The following ROR1 variants were observed in gnomAD, a reference collection of about 807,000 sequenced individuals.
ROR1 encodes the protein ROR family WNT receptor 1.
A neutral mutation model predicts 78.8 loss-of-function variants in ROR1; 19 were observed. That is an observed-to-expected ratio of 0.24 (90% CI 0.17 to 0.35). The LOEUF (loss-of-function observed/expected upper bound fraction) is 0.35, where lower values mean the gene tolerates loss of function less well. ROR1 is among the 10% of genes least tolerant of loss of function. The pLI, the probability that ROR1 is intolerant of heterozygous loss-of-function variation, is 1.00. For synonymous variants in ROR1, 386 were observed against 433.6 expected, an observed-to-expected ratio of 0.89 and a Z score of 1.36; for missense variants, 917 against 1,177.8, an observed-to-expected ratio of 0.78 and a Z score of 3.24.
intron 1 of ROR1, among the ~76,000 whole-genome samples, chr1:63,778,493 C>A (rs754683392): frequency 6.6e-6 from 1 of 152,196 alleles, no homozygotes; most frequent in African/African-American, 2.4e-5. Flanking sequence ...GGAGGCCCCA[C>A]TTCTCACCTC....
rs545000205 is a variant in ROR1 at position 64,181,338 on chromosome 1, G to T, written c.*2483G>T. The T allele has an allele frequency of 6.6e-6, 1 of 151,946 alleles. No individual in the cohort carries two copies. Among genetic ancestry groups the T allele is most frequent in the Non-Finnish European group, 1.5e-5 (1 of 67,946 alleles). The allele number at this position is 151,946 out of a possible 1,614,324, so 9.4% of individuals were successfully genotyped here. A position where few individuals can be genotyped will look rare whatever the true frequency, so the allele number is the denominator to read the frequency against. On this transcript the variant is annotated 3_prime_UTR_variant, in exon 9 of 9. Coordinates refer to ENST00000371079, the MANE Select transcript of ROR1 (RefSeq NM_005012.4). ...TTAATCACTGTATTACTTAATGTTT[G>T]ATTTGTTATTATGGGCATTTCAAAT...
At chr1:63,799,693 G>T (rs1474502793) in intron 1 of ROR1, among the ~76,000 whole-genome samples, 3 of 150,286 alleles carry the variant, frequency 2.0e-5, no homozygotes, top group African/African-American at 4.9e-5. Context: ...GGGATTATTT[G>T]TTTATATGTT....
rs1400315479 is a variant in ROR1, at chr1:64,065,574, A to T, written c.482+14858A>T. Among the ~76,000 whole-genome samples the T allele has an allele frequency of 3.3e-5, 5 of 152,258 alleles. No homozygotes were observed. In the East Asian group the frequency reaches 9.7e-4, roughly 29 times the overall value. Reference sequence around the variant, plus strand: ...GGGTTGCACAGGGCACTCTATCTCCAGGTCTTGAAGGTTTACTGGCATACA... The same window carrying T: ...GGGTTGCACAGGGCACTCTATCTCCTGGTCTTGAAGGTTTACTGGCATACA... On this transcript the variant is annotated intron_variant, in intron 4 of 8. Coordinates refer to ENST00000371079, the MANE Select transcript of ROR1 (RefSeq NM_005012.4).
intron 1 of ROR1, among the ~76,000 whole-genome samples, chr1:63,878,711 C>G (rs1206608366): frequency 6.6e-6 from 1 of 152,132 alleles, no homozygotes; most frequent in African/African-American, 2.4e-5. Flanking sequence ...GGAGCCCTGT[C>G]TGCTCCATCT....
intron 1 of ROR1, among the ~76,000 whole-genome samples, chr1:63,860,556 T>C (rs1365357585): frequency 2.1e-5 from 2 of 96,856 alleles, no homozygotes; most frequent in African/African-American, 4.1e-5. Flanking sequence ...CCATCTCTAC[T>C]AAAAATACAC....
rs1202238207 is a variant in ROR1 at position 63,967,992 on chromosome 1, T to G, written c.92-41313T>G. Among the ~76,000 whole-genome samples, 4 of 152,328 alleles carry G rather than the reference T, an allele frequency of 2.6e-5. No homozygotes were observed. In the East Asian group the frequency reaches 7.7e-4, roughly 29 times the overall value. Reference sequence around the variant, plus strand: ...TCTTACAATAGATACACAAATTCCTTCTTACATTTTGTTTCCTTTAAGGCC... The same window carrying G: ...TCTTACAATAGATACACAAATTCCTGCTTACATTTTGTTTCCTTTAAGGCC... On this transcript the variant is annotated intron_variant, in intron 1 of 8. Transcript: ENST00000371079.
At chr1:64,036,466 T>A (rs952775218) in intron 2 of ROR1, among the ~76,000 whole-genome samples, 4 of 152,060 alleles carry the variant, frequency 2.6e-5, no homozygotes, top group African/African-American at 9.7e-5. Flanking sequence ...CATCCAGGAG[T>A]CTCCCAGAAT....
At chr1:64,050,922 G>A (rs1646823579) in intron 4 of ROR1, among the ~76,000 whole-genome samples, 2 of 152,182 alleles carry the variant, frequency 1.3e-5, no homozygotes, top group East Asian at 3.9e-4. Flanking sequence ...GTGTAGTAAT[G>A]TTGATTCTGA....
At position 64,050,534 on chromosome 1, in the gene ROR1, T is replaced by C. The variant is rs948103008; in HGVS notation, c.452-152T>C. 1.2e-5 allele frequency: 9 copies of C among 728,944 alleles called. No homozygotes were observed. The African/African-American group carries it at 1.6e-4, about 13-fold the overall frequency. 45.2% of individuals were successfully genotyped at this position (728,944 alleles called of 1,614,324 possible). On this transcript the variant is annotated intron_variant, in intron 3 of 8. Transcript: ENST00000371079. ...TTTTTTTTTTTTTCATAGAGATGGTTGGGGGAATAGAGCAAAACAATAAAT... is the reference window on the plus strand; with the variant it reads ...TTTTTTTTTTTTTCATAGAGATGGTCGGGGGAATAGAGCAAAACAATAAAT...
chr1:63,822,042 G>A (rs1302291585), intron 1 of ROR1, among the ~76,000 whole-genome samples: 2 of 152,204 alleles, frequency 1.3e-5, no homozygotes, highest in African/African-American at 4.8e-5. Context: ...AATGTACTGG[G>A]AAGCTTGCCG....
intron 4 of ROR1, among the ~76,000 whole-genome samples, chr1:64,097,669 A>G (rs1647353635): frequency 6.6e-6 from 1 of 151,852 alleles, no homozygotes; most frequent in Non-Finnish European, 1.5e-5. Context: ...TACCAAGGGA[A>G]AAAAAAAGAA....
chr1:63,846,062 C>T (rs996285524), intron 1 of ROR1, among the ~76,000 whole-genome samples: 1 of 152,040 alleles, frequency 6.6e-6, no homozygotes, highest in African/African-American at 2.4e-5. Context: ...CCGCAACCCA[C>T]AACCTTGGGC....
At chr1:64,120,239 G>C (rs1165060412) in intron 4 of ROR1, among the ~76,000 whole-genome samples, 1 of 152,046 alleles carries the variant, frequency 6.6e-6, no homozygotes, top group Non-Finnish European at 1.5e-5. Flanking sequence ...CCTGGAGTTG[G>C]GGGAGGCCTA....
chr1:63,857,134 CTGT>C (rs1241566929), intron 1 of ROR1, among the ~76,000 whole-genome samples: 2 of 150,246 alleles, frequency 1.3e-5, no homozygotes, highest in Admixed American at 1.3e-4. Flanking sequence ...TTCAAAGTAT[CTGT>C]TGTTGAACAA....
At chr1:63,783,566 C>T (rs1644666286) in intron 1 of ROR1, among the ~76,000 whole-genome samples, 2 of 152,152 alleles carry the variant, frequency 1.3e-5, no homozygotes, top group South Asian at 2.1e-4. Flanking sequence ...CACTATTAGG[C>T]ATCTTGATTC....
rs879776506 is a variant in ROR1 at position 63,898,722 on chromosome 1, A to T, written c.92-110583A>T. On this transcript the variant is annotated intron_variant, in intron 1 of 8. Transcript: ENST00000371079. The stretch of plus-strand genomic sequence containing the variant: ...GGGAGAGAAAAGAGGGAAGAGAGAG[A>T]GAACGAGAACACAGGAGGTTCCTGA... Among the ~76,000 whole-genome samples the T allele has an allele frequency of 3.3e-5, 5 of 151,948 alleles. 1 individual carries two copies. The East Asian group carries it at 9.7e-4, about 29-fold the overall frequency.
At chr1:63,932,421 C>T (rs1645760812) in intron 1 of ROR1, among the ~76,000 whole-genome samples, 1 of 152,142 alleles carries the variant, frequency 6.6e-6, no homozygotes. Flanking sequence ...GCCTCCCTTC[C>T]TTCAGCCCAT....
At chr1:64,156,573 G>C (rs1649777342) in intron 7 of ROR1, among the ~76,000 whole-genome samples, 1 of 152,082 alleles carries the variant, frequency 6.6e-6, no homozygotes. Context: ...TGGGCGTGGT[G>C]GCACGTGCCT....
chr1:64,121,261 C>CCTTCCCT (rs1553159804), intron 4 of ROR1, among the ~76,000 whole-genome samples: 2 of 139,372 alleles, frequency 1.4e-5, no homozygotes, highest in South Asian at 2.5e-4. Context: ...TTCCTTCCAT[C>CCTTCCCT]CTCCTGTTTC....
Sources: gnomAD v4.1 joint callset for allele counts (sites outside exome capture counted in the v4.1 genomes callset) on GRCh38, gnomAD v4.1.1 for gene constraint, MANE v1.5 for transcripts, NCBI Gene and HGNC (gene_info 2026-07-23, HGNC 2026-07-21) for gene names.